PTK2B: variants seen among roughly 807,000 people sequenced by gnomAD.
The protein encoded by PTK2B is protein-tyrosine kinase 2-beta.
A neutral mutation model predicts 142.9 loss-of-function variants in PTK2B; 71 were observed. The observed-to-expected ratio is 0.50, with a 90% CI of 0.41 to 0.61. The LOEUF (loss-of-function observed/expected upper bound fraction) is 0.61. Among genes scored for constraint, PTK2B ranks in the 20% least tolerant of loss-of-function variants. The probability of loss-of-function intolerance (pLI) is 0.00; values close to 1 mark genes in which losing one functional copy is unlikely to be tolerated. For missense variants in PTK2B, 1,105 were observed against 1,320.4 expected (o/e 0.84, Z 2.53); for synonymous variants, 519 against 503.4 (o/e 1.03, Z -0.42).
In PTK2B at chr8:27,454,496, G is replaced by A. The variant is rs539301816; in HGVS notation, c.2734-35G>A. On this transcript the variant is annotated intron_variant, in intron 29 of 30. Transcript: ENST00000346049. Reference sequence around the variant, plus strand: ...GAAACCTGGCTCTCTCCAATAGCTAGGAGTGGCGGCCATCCTGCCCCTTTC... The same window carrying A: ...GAAACCTGGCTCTCTCCAATAGCTAAGAGTGGCGGCCATCCTGCCCCTTTC... The A allele has an allele frequency of 6.9e-6, 11 of 1,603,740 alleles. No homozygotes were observed. In the South Asian group the frequency reaches 1.2e-4, roughly 18 times the overall value.
rs1365274145 is a variant in PTK2B, at chr8:27,397,705, C to T, written c.121C>T (p.Leu41Phe). Residue 41 changes from leucine to phenylalanine, a missense_variant, in exon 2 of 31, where the codon CTC (leucine) becomes TTC (phenylalanine). By Grantham distance (22) the Leu-to-Phe change is conservative. Coordinates refer to ENST00000346049, the MANE Select transcript of PTK2B (RefSeq NM_173176.3). Reference sequence around the variant, plus strand: ...TGTGGAAAAGGAGGACGTGCGTATCCTCAAGGTCTGCTTCTATAGCAACAG... The same window carrying T: ...TGTGGAAAAGGAGGACGTGCGTATCTTCAAGGTCTGCTTCTATAGCAACAG... ...VDVEKEDVRILKVCFYSNSFN... is the reference protein window; with the variant it reads ...VDVEKEDVRIFKVCFYSNSFN... The T allele has an allele frequency of 6.2e-7, 1 of 1,614,264 alleles. No homozygotes were observed. Among genetic ancestry groups the T allele is most frequent in the South Asian group, 1.1e-5 (1 of 91,086 alleles).
chr8:27,371,802 C>T (rs1033483446), intron 1 of PTK2B, among the ~76,000 whole-genome samples: 2 of 152,188 alleles, frequency 1.3e-5, no homozygotes, highest in Admixed American at 1.3e-4. Context: ...CCTACCTTGG[C>T]CCTTCAAAGT....
At chr8:27,372,676 G>A (rs967899731) in intron 1 of PTK2B, among the ~76,000 whole-genome samples, 1 of 152,162 alleles carries the variant, frequency 6.6e-6, no homozygotes, top group African/African-American at 2.4e-5. Flanking sequence ...ATGACAGGGA[G>A]CAATGGCCAG....
At chr8:27,421,092 C>T (rs1809718194) in intron 4 of PTK2B, among the ~76,000 whole-genome samples, 1 of 152,148 alleles carries the variant, frequency 6.6e-6, no homozygotes, top group African/African-American at 2.4e-5. Context: ...TCTAGCTCTG[C>T]CATTCACTAA....
chr8:27,446,041 A>G (rs1811452532), intron 24 of PTK2B, 122 bp downstream of exon 24: 3 of 1,415,316 alleles, frequency 2.1e-6, no homozygotes, highest in Non-Finnish European at 2.9e-6. Flanking sequence ...CCCATGCACC[A>G]GTCAGGCCAC....
At chr8:27,418,223 A>T (rs1005636209) in intron 2 of PTK2B, among the ~76,000 whole-genome samples, 2 of 152,136 alleles carry the variant, frequency 1.3e-5, no homozygotes, top group Admixed American at 1.3e-4. Context: ...TTTCAGGCTG[A>T]GGGTCTTCTA....
At chr8:27,358,047 A>G (rs1406607285) in intron 1 of PTK2B, among the ~76,000 whole-genome samples, 1 of 152,220 alleles carries the variant, frequency 6.6e-6, no homozygotes, top group Non-Finnish European at 1.5e-5. Context: ...ATGGGGTTGC[A>G]TAAGAAGGTT....
chr8:27,349,321 G>A (rs749743509), intron 1 of PTK2B, among the ~76,000 whole-genome samples: 1 of 152,162 alleles, frequency 6.6e-6, no homozygotes, highest in Non-Finnish European at 1.5e-5. Flanking sequence ...TTCTAGAGGG[G>A]TTGGAATATT....
Position 27,344,137 on chromosome 8 carries a change from G to A in PTK2B, c.-38+18456G>A, listed in dbSNP as rs188279626. 1.0e-3 allele frequency among the ~76,000 whole-genome samples: 156 copies of A among 152,208 alleles called. 1 individual carries two copies. The highest frequency in any genetic ancestry group is 3.7e-3 in the African/African-American group (152 of 41,532). ...CTATATTTTACTCTTTAGGGAAATG[G>A]CACACCCCTCAGCCCATGTATTTGT... On this transcript the variant is annotated intron_variant, in intron 1 of 30. Coordinates refer to ENST00000346049, the MANE Select transcript of PTK2B (RefSeq NM_173176.3).
At chr8:27,311,440 G>A (rs1802967910), upstream of PTK2B, 7 of 658,374 alleles carry the variant, frequency 1.1e-5, no homozygotes, top group Middle Eastern at 4.2e-4. Flanking sequence ...CACTTCCGGT[G>A]TGCGCGGGAA....
At chr8:27,321,887 A>G (rs929100497), upstream of PTK2B, among the ~76,000 whole-genome samples, 3 of 152,166 alleles carry the variant, frequency 2.0e-5, no homozygotes, top group East Asian at 5.8e-4. Flanking sequence ...TTTGGCCTCA[A>G]CTGTGGCCCA....
intron 1 of PTK2B, among the ~76,000 whole-genome samples, chr8:27,383,852 A>AGTTTTTTTTTTTT (rs1807178925): frequency 8.6e-6 from 1 of 116,594 alleles, no homozygotes; most frequent in Admixed American, 9.1e-5. Context: ...CACCTGGCTA[A>AGTTTTTTTTTTTT]TTTTTTTTTT....
At chr8:27,401,719 A>G (rs1467006616) in intron 2 of PTK2B, among the ~76,000 whole-genome samples, 2 of 152,242 alleles carry the variant, frequency 1.3e-5, no homozygotes, top group South Asian at 2.1e-4. Context: ...TAAAACTATG[A>G]GTGACATGAG....
Position 27,436,356 on chromosome 8 carries a change from C to G in PTK2B, c.1341+8C>G, listed in dbSNP as rs751477357. 6.2e-7 allele frequency: 1 copy of G among 1,600,232 alleles called. No homozygotes were observed. Among genetic ancestry groups the G allele is most frequent in the East Asian group, 2.2e-5 (1 of 44,848 alleles). On this transcript the variant is annotated splice_region_variant and intron_variant, in intron 15 of 30. Coordinates refer to ENST00000346049, the MANE Select transcript of PTK2B (RefSeq NM_173176.3). ...GGTGTCTACACAAATCACGTGAGTTCTAGGATCTTCCCTTACACTCCTCTT... is the reference window on the plus strand; with the variant it reads ...GGTGTCTACACAAATCACGTGAGTTGTAGGATCTTCCCTTACACTCCTCTT...
intron 1 of PTK2B, among the ~76,000 whole-genome samples, chr8:27,341,742 T>C (rs1241673078): frequency 1.3e-5 from 2 of 152,096 alleles, no homozygotes; most frequent in Non-Finnish European, 2.9e-5. Context: ...AGCATAGTTA[T>C]ACCTCAATGC....
chr8:27,337,707 A>T (rs1484611642), intron 1 of PTK2B, among the ~76,000 whole-genome samples: 1 of 152,152 alleles, frequency 6.6e-6, no homozygotes, highest in African/African-American at 2.4e-5. Flanking sequence ...GTTTTGATTG[A>T]TATTTATTGA....
intron 1 of PTK2B, among the ~76,000 whole-genome samples, chr8:27,342,509 C>T (rs553631082): frequency 6.6e-6 from 1 of 152,188 alleles, no homozygotes; most frequent in Non-Finnish European, 1.5e-5. Context: ...CCTTTCCTGC[C>T]CACAGCGCCC....
chr8:27,407,061 T>TA (rs1586255177), intron 2 of PTK2B, among the ~76,000 whole-genome samples: 1 of 152,186 alleles, frequency 6.6e-6, no homozygotes, highest in East Asian at 1.9e-4. Flanking sequence ...GGTTTATGGG[T>TA]AAATCAGAAT....
chr8:27,450,566 G>A (rs535125808), intron 24 of PTK2B, among the ~76,000 whole-genome samples, 183 bp from the exon 25 acceptor site: 1 of 152,130 alleles, frequency 6.6e-6, no homozygotes, highest in Non-Finnish European at 1.5e-5. Context: ...ATACATGCTC[G>A]GGGCTGATAC....
Sources: gnomAD v4.1 joint callset for allele counts (sites outside exome capture counted in the v4.1 genomes callset) on GRCh38, gnomAD v4.1.1 for gene constraint, MANE v1.5 for transcripts, NCBI Gene and HGNC (gene_info 2026-07-23, HGNC 2026-07-21) for gene names.